The following BRAF variants were observed in gnomAD, a reference collection of about 807,000 sequenced individuals.
BRAF encodes the protein serine/threonine-protein kinase B-raf.
A neutral mutation model predicts 104.6 loss-of-function variants in BRAF; 16 were observed. That is an observed-to-expected ratio of 0.15 (90% CI 0.10 to 0.23). The LOEUF (loss-of-function observed/expected upper bound fraction) is 0.23, where lower values mean the gene tolerates loss of function less well. Ranked by LOEUF, BRAF falls within the 10% of genes least tolerant of loss-of-function variation. The pLI, the probability that BRAF is intolerant of heterozygous loss-of-function variation, is 1.00. For synonymous variants in BRAF, 310 were observed against 341.6 expected (o/e 0.91, Z 1.02); for missense variants, 541 against 937.3 (o/e 0.58, Z 5.52).
chr7:140,785,110 CTTTTT>C (rs527533092), intron 10 of BRAF, among the ~76,000 whole-genome samples: 1 of 151,762 alleles, frequency 6.6e-6, no homozygotes, highest in South Asian at 2.1e-4. Context: ...TGTTATAAAT[CTTTTT>C]TTTGTCTTTT....
chr7:140,860,455 C>T (rs192031788), intron 1 of BRAF, among the ~76,000 whole-genome samples: 1 of 142,394 alleles, frequency 7.0e-6, no homozygotes, highest in East Asian at 2.0e-4. Flanking sequence ...ATAGCAAGAC[C>T]CCATCTCTAG....
rs762305547 is a variant in BRAF at position 140,800,378 on chromosome 7, C to T, written c.964G>A (p.Ala322Thr). 20 of 1,614,030 alleles carry T rather than the reference C, an allele frequency of 1.2e-5. No individual in the cohort carries two copies. Among genetic ancestry groups the T allele is most frequent in the East Asian group, 2.2e-5 (1 of 44,874 alleles). ...AAACCATACCCAATAGAGTCCGAGG[C>T]GGGTGCGGAAGGGGATGATCCAGAT... The part of the protein sequence containing the change: ...LTSGSSPSAP[A>T]SDSIGPQILT... Residue 322 changes from alanine (A) to threonine (T), a missense_variant, in exon 7 of 20, where the codon GCC (alanine) becomes ACC (threonine). Ala to Thr is a moderately conservative substitution (Grantham distance 58). Coordinates refer to ENST00000644969, the MANE Select transcript of BRAF (RefSeq NM_001374258.1).
At chr7:140,889,594 A>G (rs939405768) in intron 1 of BRAF, among the ~76,000 whole-genome samples, 6 of 152,214 alleles carry the variant, frequency 3.9e-5, no homozygotes, top group Non-Finnish European at 8.8e-5. Context: ...TATTAATGCA[A>G]GCAAGTTTAT....
chr7:140,759,782 T>A (rs1038160664), intron 14 of BRAF, among the ~76,000 whole-genome samples: 2 of 152,194 alleles, frequency 1.3e-5, no homozygotes, highest in African/African-American at 4.8e-5. Context: ...AGAAGGGTAA[T>A]CAGGAGAATA....
intron 2 of BRAF, among the ~76,000 whole-genome samples, chr7:140,836,825 A>AT (rs1244333643): frequency 6.6e-6 from 1 of 152,226 alleles, no homozygotes; most frequent in Non-Finnish European, 1.5e-5. Context: ...TGAAGATCAC[A>AT]TAAATGCAGT....
chr7:140,851,407 T>C (rs1809145798), intron 1 of BRAF, among the ~76,000 whole-genome samples: 1 of 152,058 alleles, frequency 6.6e-6, no homozygotes, highest in South Asian at 2.1e-4. Context: ...TGAAAAAATG[T>C]CAGATATCAA....
At chr7:140,826,157 A>G (rs1357667053) in intron 3 of BRAF, among the ~76,000 whole-genome samples, 1 of 152,154 alleles carries the variant, frequency 6.6e-6, no homozygotes, top group Non-Finnish European at 1.5e-5. Flanking sequence ...AGTTTTTTAA[A>G]TAAATATTTG....
At chr7:140,740,117 C>A (rs1796787267) in intron 17 of BRAF, 171 bp from the exon 17 acceptor site, 2 of 670,508 alleles carry the variant, frequency 3.0e-6, no homozygotes, top group Non-Finnish European at 4.9e-6. Flanking sequence ...GGTGGGAAAC[C>A]CACAAAAGGA....
chr7:140,814,830 A>G (rs145232836), intron 3 of BRAF, among the ~76,000 whole-genome samples: 3,978 of 145,886 alleles, frequency 0.027, 192 homozygotes, highest in African/African-American at 0.092. Context: ...ATTTATATAT[A>G]TTATATATAT....
At chr7:140,830,830 C>T (rs960341304) in intron 3 of BRAF, among the ~76,000 whole-genome samples, 3 of 152,212 alleles carry the variant, frequency 2.0e-5, no homozygotes, top group Non-Finnish European at 2.9e-5. Context: ...TTCCCACATA[C>T]CTTTCCCTAT....
intron 1 of BRAF, among the ~76,000 whole-genome samples, chr7:140,906,602 C>G (rs1238973443): frequency 6.6e-6 from 1 of 152,184 alleles, no homozygotes; most frequent in Non-Finnish European, 1.5e-5. Flanking sequence ...AGACTTTTAT[C>G]TAGAATCTTT....
rs1392983629 is a variant in BRAF, at chr7:140,725,243, A to G, written c.*1251T>C. On this transcript the variant is annotated 3_prime_UTR_variant, in exon 20 of 20. Transcript: ENST00000644969. ...TAGGAATCAGTTGGAAGAAACAATG[A>G]GATTATTAGCAAAGATGTTAGTGTG... 1.7e-5 allele frequency: 18 copies of G among 1,044,942 alleles called. No homozygotes were observed. The highest frequency in any genetic ancestry group is 2.1e-5 in the Non-Finnish European group (18 of 866,234). 64.7% of individuals were successfully genotyped at this position (1,044,942 alleles called of 1,614,324 possible). A position where few individuals can be genotyped will look rare whatever the true frequency, so the allele number is the denominator to read the frequency against.
At chr7:140,750,593 T>C (rs1177524594) in intron 16 of BRAF, among the ~76,000 whole-genome samples, 2 of 152,164 alleles carry the variant, frequency 1.3e-5, no homozygotes, top group East Asian at 3.9e-4. Context: ...AGGATGGAAG[T>C]GAAGGAGAAG....
intron 19 of BRAF, among the ~76,000 whole-genome samples, chr7:140,728,467 G>T (rs1238087223): frequency 6.6e-6 from 1 of 151,828 alleles, no homozygotes; most frequent in Non-Finnish European, 1.5e-5. Flanking sequence ...CTAAGGTATT[G>T]TGAGTCCAAA....
At chr7:140,788,683 G>A (rs987659588) in intron 8 of BRAF, among the ~76,000 whole-genome samples, 3 of 151,904 alleles carry the variant, frequency 2.0e-5, no homozygotes, top group South Asian at 2.1e-4. Flanking sequence ...CTGCCTCTTG[G>A]GTTCAAGTGA....
intron 1 of BRAF, among the ~76,000 whole-genome samples, chr7:140,890,773 C>G (rs940696994): frequency 2.0e-5 from 3 of 152,136 alleles, no homozygotes; most frequent in Non-Finnish European, 2.9e-5. Flanking sequence ...AAGGTCAAAA[C>G]CCAAATAAAA....
chr7:140,904,612 C>A (rs1411057957), intron 1 of BRAF, among the ~76,000 whole-genome samples: 2 of 152,056 alleles, frequency 1.3e-5, no homozygotes, highest in Non-Finnish European at 2.9e-5. Flanking sequence ...TTCTTTGATG[C>A]ATGGATTATT....
chr7:140,801,225 G>C, intron 6 of BRAF, 187 bp downstream of exon 6: 1 of 622,200 alleles, frequency 1.6e-6, no homozygotes, highest in South Asian at 2.1e-5. Context: ...AGCTGAACCA[G>C]CATTACAATT....
intron 13 of BRAF, 70 bp downstream of exon 12, chr7:140,777,921 T>TA: frequency 7.2e-7 from 1 of 1,388,138 alleles, no homozygotes; most frequent in South Asian, 1.2e-5. Flanking sequence ...TAATAGTTGC[T>TA]ACCACTGGGA....
Sources: allele counts gnomAD v4.1 joint callset (sites outside exome capture counted in the v4.1 genomes callset), GRCh38; gene constraint gnomAD v4.1.1; transcripts MANE v1.5; gene names NCBI Gene and HGNC (gene_info 2026-07-23, HGNC 2026-07-21).